The following OTOGL variants were observed in gnomAD, a reference collection of about 807,000 sequenced individuals.
The protein encoded by OTOGL is otogelin like, also known as otogelin-like protein.
In OTOGL, 285 loss-of-function variants were observed where a neutral mutation model predicts 318.5. The observed-to-expected ratio is 0.89, with a 90% CI of 0.81 to 0.99. The LOEUF (loss-of-function observed/expected upper bound fraction) is 0.99, where lower values mean the gene tolerates loss of function less well. OTOGL is among the 50% of genes least tolerant of loss of function. The probability of loss-of-function intolerance (pLI) is 0.00; values close to 1 mark genes in which losing one functional copy is unlikely to be tolerated. For synonymous variants in OTOGL, 987 were observed against 936.5 expected, an observed-to-expected ratio of 1.05 and a Z score of -0.99; for missense variants, 2,899 against 2,845.6, an observed-to-expected ratio of 1.02 and a Z score of -0.43.
At position 80,209,436 on chromosome 12, in the gene OTOGL, A is replaced by G; in HGVS notation, c.5A>G (p.Asn2Ser). The G allele has an allele frequency of 6.7e-7, 1 of 1,498,676 alleles. No individual in the cohort carries two copies. Among genetic ancestry groups the G allele is most frequent in the Non-Finnish European group, 8.9e-7 (1 of 1,123,412 alleles). The allele number at this position is 1,498,676 out of a possible 1,614,324, so 92.8% of individuals were successfully genotyped here. M[N>S]IVRKLNLMIP... ...AGGGGGAAAGGCTACACTGAAATGA[A>G]CATTGTAAGAAAACTCAATTTAATG... The change falls in exon 2 of 59, where the codon AAC (asparagine) becomes AGC (serine). Residue 2 changes from asparagine (N) to serine (S), a missense_variant. Physicochemically the swap from Asn to Ser is conservative, Grantham distance 46. Coordinates refer to ENST00000547103, the MANE Select transcript of OTOGL (RefSeq NM_001378609.3).
chr12:80,363,365 A>G (rs985962904), intron 52 of OTOGL, among the ~76,000 whole-genome samples: 4 of 152,156 alleles, frequency 2.6e-5, no homozygotes, highest in African/African-American at 7.2e-5. Context: ...CTATTTGTGC[A>G]TAGCAGGATA....
At chr12:80,221,596 G>A (rs905851410) in intron 6 of OTOGL, among the ~76,000 whole-genome samples, 5 of 151,846 alleles carry the variant, frequency 3.3e-5, no homozygotes, top group African/African-American at 1.2e-4. Flanking sequence ...AATGACTAAT[G>A]CTCCCCACAT....
intron 1 of OTOGL, among the ~76,000 whole-genome samples, chr12:80,148,204 T>C (rs1232088183): frequency 1.3e-5 from 2 of 151,584 alleles, no homozygotes; most frequent in East Asian, 1.9e-4. Flanking sequence ...GTTGTTCCTG[T>C]CCACATTTAG....
At chr12:80,205,070 A>C (rs142257772) in intron 1 of OTOGL, among the ~76,000 whole-genome samples, 1 of 152,368 alleles carries the variant, frequency 6.6e-6, no homozygotes, top group African/African-American at 2.4e-5. Context: ...CCACTAAAAA[A>C]TTGAAATAAC....
At chr12:80,365,754 G>A (rs1317469745) in intron 52 of OTOGL, among the ~76,000 whole-genome samples, 1 of 152,056 alleles carries the variant, frequency 6.6e-6, no homozygotes, top group Non-Finnish European at 1.5e-5. Context: ...GACATTATTA[G>A]CTTATGAGGA....
chr12:80,368,591 A>G (rs769252885), intron 55 of OTOGL, among the ~76,000 whole-genome samples: 9 of 152,172 alleles, frequency 5.9e-5, no homozygotes, highest in Non-Finnish European at 1.2e-4. Context: ...CTGATCGTGA[A>G]AGAAAGGAAC....
At chr12:80,124,177 C>T (rs1376240978) in intron 1 of OTOGL, among the ~76,000 whole-genome samples, 3 of 152,144 alleles carry the variant, frequency 2.0e-5, no homozygotes, top group Non-Finnish European at 4.4e-5. Flanking sequence ...TTATGTCTAA[C>T]ATTTAAGTCT....
intron 22 of OTOGL, among the ~76,000 whole-genome samples, chr12:80,269,173 G>A (rs79350170): frequency 0.035 from 5,283 of 152,102 alleles, 299 homozygotes; most frequent in African/African-American, 0.11. Context: ...TATTTTTTAT[G>A]TGATGTGGAC....
At chr12:80,151,047 T>C (rs1162602437) in intron 1 of OTOGL, among the ~76,000 whole-genome samples, 2 of 152,164 alleles carry the variant, frequency 1.3e-5, no homozygotes, top group South Asian at 4.1e-4. Context: ...AAAAACCTTT[T>C]TGAGATTTCT....
chr12:80,341,032 T>C (rs1888737359), intron 43 of OTOGL, among the ~76,000 whole-genome samples: 1 of 151,718 alleles, frequency 6.6e-6, no homozygotes, highest in Admixed American at 6.6e-5. Context: ...ATATATCTCC[T>C]TGGGAATTAA....
At chr12:80,110,460 G>A (rs955868264) in intron 1 of OTOGL, among the ~76,000 whole-genome samples, 5 of 152,118 alleles carry the variant, frequency 3.3e-5, no homozygotes, top group Non-Finnish European at 7.3e-5. Flanking sequence ...GTGCCCATGT[G>A]TTCTCATTTT....
At chr12:80,203,505 G>A (rs908210390) in intron 1 of OTOGL, among the ~76,000 whole-genome samples, 2 of 152,156 alleles carry the variant, frequency 1.3e-5, no homozygotes, top group African/African-American at 2.4e-5. Context: ...GTGGAGGGCA[G>A]CACCATTATT....
intron 7 of OTOGL, among the ~76,000 whole-genome samples, chr12:80,227,719 A>G (rs1464764526): frequency 6.6e-6 from 1 of 151,866 alleles, no homozygotes; most frequent in Admixed American, 6.6e-5. Context: ...TTTTAGGCCT[A>G]CTCTTCCCTC....
intron 3 of OTOGL, among the ~76,000 whole-genome samples, chr12:80,211,448 C>T (rs1294449801): frequency 2.6e-5 from 4 of 151,932 alleles, no homozygotes; most frequent in Non-Finnish European, 4.4e-5. Context: ...CATTATAAAG[C>T]AAATATATGC....
chr12:80,219,230 G>T (rs1266187258), intron 5 of OTOGL, among the ~76,000 whole-genome samples: 1 of 152,108 alleles, frequency 6.6e-6, no homozygotes, highest in African/African-American at 2.4e-5. Context: ...TCCTGCCTCA[G>T]CCTCCCATGT....
At position 80,370,599 on chromosome 12, in the gene OTOGL, C is replaced by T. The variant is rs1334248261; in HGVS notation, c.6645C>T (p.Thr2215=). The change falls in exon 56 of 59, where the codon ACC becomes ACT. Residue 2215 remains threonine, a synonymous_variant. Coordinates refer to ENST00000547103, the MANE Select transcript of OTOGL (RefSeq NM_001378609.3). ...GGAGTACCTGGCACTACAATTGCAC[C>T]ACATATGAATGTGTTAAAACTGATG... The part of the protein sequence containing the change: ...AVGSTWHYNC[T]TYECVKTDEG... 6.4e-7 allele frequency: 1 copy of T among 1,560,744 alleles called. No homozygotes were observed. Among genetic ancestry groups the T allele is most frequent in the Non-Finnish European group, 8.7e-7 (1 of 1,153,468 alleles).
intron 28 of OTOGL, 78 bp downstream of exon 28, chr12:80,302,861 G>T: frequency 8.3e-7 from 1 of 1,204,228 alleles, no homozygotes; most frequent in Non-Finnish European, 1.1e-6. Flanking sequence ...AAAATAAAAT[G>T]ATTAATGTTT....
intron 12 of OTOGL, 51 bp from the exon 13 acceptor site, chr12:80,252,025 G>T (rs1281362633): frequency 2.1e-6 from 3 of 1,428,170 alleles, no homozygotes; most frequent in African/African-American, 2.9e-5. Context: ...TTTTAAAAAA[G>T]AAATAGAGGC....
intron 44 of OTOGL, among the ~76,000 whole-genome samples, chr12:80,343,200 A>G (rs1160127830): frequency 6.6e-6 from 1 of 152,060 alleles, no homozygotes; most frequent in Non-Finnish European, 1.5e-5. Flanking sequence ...GAATTGTTTA[A>G]AAGTATGAGT....
Sources: gnomAD v4.1 joint callset for allele counts (sites outside exome capture counted in the v4.1 genomes callset) on GRCh38, gnomAD v4.1.1 for gene constraint, MANE v1.5 for transcripts, NCBI Gene and HGNC (gene_info 2026-07-23, HGNC 2026-07-21) for gene names.